SHANK2: variants seen among roughly 807,000 people sequenced by gnomAD.
The protein encoded by SHANK2 is SH3 and multiple ankyrin repeat domains 2, also known as SH3 and multiple ankyrin repeat domains protein 2.
SHANK2 carries 43 observed loss-of-function variants against 133.7 expected under a neutral mutation model. The observed-to-expected ratio is 0.32, with a 90% CI of 0.25 to 0.41. The LOEUF (loss-of-function observed/expected upper bound fraction) is 0.41, where lower values mean the gene tolerates loss of function less well. Among genes scored for constraint, SHANK2 ranks in the 10% least tolerant of loss-of-function variants. The pLI, the probability that SHANK2 is intolerant of heterozygous loss-of-function variation, is 1.00. For missense variants in SHANK2, 1,994 were observed against 2,235.8 expected (o/e 0.89, Z 2.18); for synonymous variants, 1,017 against 952.8 (o/e 1.07, Z -1.24).
At chr11:71,134,439 ATTTT>A (rs376602865) in intron 3 of SHANK2, among the ~76,000 whole-genome samples, 129 of 134,128 alleles carry the variant, frequency 9.6e-4, no homozygotes, top group African/African-American at 2.6e-3. Context: ...TTACATCTCA[ATTTT>A]TTTTTTTTTT....
intron 17 of SHANK2, among the ~76,000 whole-genome samples, chr11:70,504,460 G>A (rs2059108390): frequency 6.6e-6 from 1 of 151,940 alleles, no homozygotes; most frequent in South Asian, 2.1e-4. Context: ...GGAGGACTCA[G>A]TGGGGCCAGG....
At chr11:70,540,639 A>C (rs1554974998) in intron 17 of SHANK2, among the ~76,000 whole-genome samples, 2 of 152,004 alleles carry the variant, frequency 1.3e-5, no homozygotes, top group Non-Finnish European at 2.9e-5. Flanking sequence ...TTTAATTTTT[A>C]ACTGTACTGC....
In SHANK2 at chr11:70,807,628, G is replaced by A. The variant is rs782179661; in HGVS notation, c.1494-457C>T. ...GCAGACCACCTGAGATCACGAGTTC[G>A]GGACCAGCACGGCCAACATGGTGAA... On this transcript the variant is annotated intron_variant, in intron 12 of 25. Coordinates refer to ENST00000601538, the MANE Select transcript of SHANK2 (RefSeq NM_012309.5). The surrounding 1 kb of genome is among the most constrained non-coding windows in gnomAD (Gnocchi z 4.8). 6.6e-6 allele frequency among the ~76,000 whole-genome samples: 1 copy of A among 152,122 alleles called. No individual in the cohort carries two copies. Among genetic ancestry groups the A allele is most frequent in the African/African-American group, 2.4e-5 (1 of 41,424 alleles).
At chr11:71,159,130 C>T (rs1231569807) in intron 2 of SHANK2, among the ~76,000 whole-genome samples, 2 of 152,220 alleles carry the variant, frequency 1.3e-5, no homozygotes, top group Non-Finnish European at 2.9e-5. Flanking sequence ...ACTCTCATCA[C>T]GCTGAGGTCA....
intron 13 of SHANK2, among the ~76,000 whole-genome samples, chr11:70,805,322 G>A (rs1393611471): frequency 5.3e-5 from 8 of 152,238 alleles, no homozygotes; most frequent in Non-Finnish European, 1.0e-4. Context: ...GCTCTGGAGA[G>A]ACAGTGAGCT....
intron 14 of SHANK2, among the ~76,000 whole-genome samples, chr11:70,762,419 CAGT>C (rs1947014825): frequency 6.6e-6 from 1 of 152,116 alleles, no homozygotes; most frequent in Non-Finnish European, 1.5e-5. Flanking sequence ...GAAGGAATGT[CAGT>C]GGTGGGGGCG....
intron 14 of SHANK2, among the ~76,000 whole-genome samples, chr11:70,752,970 G>A (rs549615743): frequency 6.6e-6 from 1 of 151,894 alleles, no homozygotes; most frequent in African/African-American, 2.4e-5. Context: ...AAAATTAGCT[G>A]GGTGTGGTGG....
chr11:70,754,440 C>G (rs1946821103), intron 14 of SHANK2, among the ~76,000 whole-genome samples: 1 of 152,178 alleles, frequency 6.6e-6, no homozygotes, highest in African/African-American at 2.4e-5. Context: ...GAGTGCAAGG[C>G]TGGTTCAATA....
At chr11:71,167,133 G>T in intron 2 of SHANK2, among the ~76,000 whole-genome samples, 1 of 152,024 alleles carries the variant, frequency 6.6e-6, no homozygotes. Flanking sequence ...AGGATCCCAA[G>T]GCAGAAGAAT....
intron 10 of SHANK2, among the ~76,000 whole-genome samples, chr11:70,927,212 C>T (rs1950441368): frequency 6.6e-6 from 1 of 152,116 alleles, no homozygotes; most frequent in East Asian, 1.9e-4. Flanking sequence ...ATTTTATAAA[C>T]AATAATACTT....
At chr11:71,077,446 G>A (rs1277131113) in intron 8 of SHANK2, among the ~76,000 whole-genome samples, 8 of 152,188 alleles carry the variant, frequency 5.3e-5, no homozygotes, top group Non-Finnish European at 1.2e-4. Context: ...CTGACTCCGG[G>A]TGGATGTCTC....
chr11:70,540,388 T>C (rs12793426), intron 17 of SHANK2, among the ~76,000 whole-genome samples: 73,944 of 151,638 alleles, frequency 0.49, 19,081 homozygotes, highest in East Asian at 0.81. Flanking sequence ...CTCCCTCCTG[T>C]GGAGTCGAGG....
At chr11:71,142,282 C>T (rs1207820204) in intron 3 of SHANK2, among the ~76,000 whole-genome samples, 15 of 152,190 alleles carry the variant, frequency 9.9e-5, no homozygotes, top group African/African-American at 3.6e-4. Flanking sequence ...GGGCAGATCA[C>T]CTGAGGTCAG....
At chr11:70,876,421 G>A (rs903607564) in intron 11 of SHANK2, among the ~76,000 whole-genome samples, 15 of 151,344 alleles carry the variant, frequency 9.9e-5, no homozygotes, top group Non-Finnish European at 1.8e-4. Context: ...TTAGCTGGGC[G>A]TGGTATCGGG....
intron 17 of SHANK2, among the ~76,000 whole-genome samples, chr11:70,548,992 C>A (rs553234112): frequency 2.6e-5 from 4 of 152,088 alleles, no homozygotes; most frequent in Non-Finnish European, 5.9e-5. Flanking sequence ...CCAGGGCCTT[C>A]CGGGAAAGCA....
At chr11:71,162,165 C>T (rs782065206) in intron 2 of SHANK2, among the ~76,000 whole-genome samples, 3 of 152,170 alleles carry the variant, frequency 2.0e-5, no homozygotes, top group Admixed American at 6.5e-5. Context: ...TAACAAGATA[C>T]CATAGGCTGG....
intron 17 of SHANK2, among the ~76,000 whole-genome samples, chr11:70,643,238 A>G (rs914080899): frequency 2.6e-5 from 4 of 152,206 alleles, no homozygotes; most frequent in African/African-American, 9.7e-5. Flanking sequence ...TGTGGAGTAC[A>G]GAGAATACAT....
At chr11:70,600,582 A>G (rs2060481666) in intron 17 of SHANK2, among the ~76,000 whole-genome samples, 1 of 152,140 alleles carries the variant, frequency 6.6e-6, no homozygotes, top group African/African-American at 2.4e-5. Context: ...AGAGGTAATG[A>G]AGGTGGTGCT....
rs1485702347 is a variant in SHANK2 at position 70,739,207 on chromosome 11, T to C, written c.1778-40444A>G. On this transcript the variant is annotated intron_variant, in intron 14 of 25. Coordinates refer to ENST00000601538, the MANE Select transcript of SHANK2 (RefSeq NM_012309.5). This position sits in a 1 kb window ranked among gnomAD's most constrained non-coding sequence, Gnocchi z 4.3. The stretch of plus-strand genomic sequence containing the variant: ...ACTGAACCTCAGCCAGAGGGCCTGA[T>C]GGTGGGGATGCGGCATGTGAACTTC... Among the ~76,000 whole-genome samples, 4 of 152,202 alleles carry C rather than the reference T, an allele frequency of 2.6e-5. No homozygotes were observed. The highest frequency in any genetic ancestry group is 9.6e-5 in the African/African-American group (4 of 41,454).
Sources: gnomAD v4.1 joint callset for allele counts (sites outside exome capture counted in the v4.1 genomes callset) on GRCh38, gnomAD v4.1.1 for gene constraint, Gnocchi (gnomAD v3.1) non-coding constraint, MANE v1.5 for transcripts, NCBI Gene and HGNC (gene_info 2026-07-23, HGNC 2026-07-21) for gene names.